Variants in GRM4 observed in about 807,000 individuals in gnomAD.
The protein encoded by GRM4 is metabotropic glutamate receptor 4.
A neutral mutation model predicts 81.7 loss-of-function variants in GRM4; 28 were observed. The ratio of observed to expected loss-of-function variants is 0.34; its 90% confidence interval spans 0.25 to 0.47. The LOEUF (loss-of-function observed/expected upper bound fraction) is 0.47. GRM4 is among the 20% of genes least tolerant of loss of function. GRM4 has a pLI of 1.00. For synonymous variants in GRM4, 488 were observed against 528.8 expected (o/e 0.92, Z 1.06); for missense variants, 948 against 1,290.0 (o/e 0.73, Z 4.06).
chr6:34,103,670 C>T (rs1768966249), intron 2 of GRM4: 1 of 1,535,386 alleles, frequency 6.5e-7, no homozygotes, highest in Non-Finnish European at 8.7e-7. Context: ...AGGGCAGAGG[C>T]CCAGCAAGGA....
At chr6:34,138,901 T>C (rs1770570851) in intron 1 of GRM4, among the ~76,000 whole-genome samples, 1 of 152,214 alleles carries the variant, frequency 6.6e-6, no homozygotes, top group Admixed American at 6.5e-5. Flanking sequence ...TAAGCAACTC[T>C]TTAACCCACA....
At chr6:34,120,472 C>T (rs1380033067) in intron 2 of GRM4, among the ~76,000 whole-genome samples, 5 of 152,174 alleles carry the variant, frequency 3.3e-5, no homozygotes, top group African/African-American at 1.2e-4. Context: ...CCCTGGGATA[C>T]TTAGGACCAT....
chr6:34,092,244 T>C lies in GRM4; in HGVS notation c.520-145A>G. On this transcript the variant is annotated intron_variant, in intron 2 of 10. Transcript: ENST00000538487. The surrounding 1 kb of genome is among the most constrained non-coding windows in gnomAD (Gnocchi z 6.8). ...ACCCCTCCCCATGGGCGATGCCTCC[T>C]CCTCCAGAAAGTCTCCCAACCGGCC... The C allele has an allele frequency of 1.6e-6, 1 of 612,082 alleles. No individual in the cohort carries two copies. Among genetic ancestry groups the C allele is most frequent in the East Asian group, 2.8e-5 (1 of 36,060 alleles). The allele number at this position is 612,082 out of a possible 1,614,324, so 37.9% of individuals were successfully genotyped here.
Position 34,144,844 on chromosome 6 carries a change from C to T in GRM4, c.-364+1156G>A, listed in dbSNP as rs568377019. 6.6e-5 allele frequency among the ~76,000 whole-genome samples: 10 copies of T among 152,324 alleles called. No homozygotes were observed. In the South Asian group the frequency reaches 1.9e-3, roughly 28 times the overall value. Reference sequence around the variant, plus strand: ...ACCGGGCCCGCAAAAAAGCCTCTGCCCCATTCCCTCCCTCAGGGGCACCCG... The same window carrying T: ...ACCGGGCCCGCAAAAAAGCCTCTGCTCCATTCCCTCCCTCAGGGGCACCCG... On this transcript the variant is annotated intron_variant, in intron 1 of 10. Coordinates refer to ENST00000538487, the MANE Select transcript of GRM4 (RefSeq NM_000841.4).
At chr6:34,044,363 G>C (rs368038250) in intron 6 of GRM4, among the ~76,000 whole-genome samples, 968 of 84,574 alleles carry the variant, frequency 0.011, 9 homozygotes, top group African/African-American at 0.038. Flanking sequence ...TATATACACA[G>C]ACACACACAT....
At chr6:34,023,295 T>G (rs895935184) in intron 10 of GRM4, among the ~76,000 whole-genome samples, 1 of 152,234 alleles carries the variant, frequency 6.6e-6, no homozygotes, top group South Asian at 2.1e-4. Context: ...TTTTATGACA[T>G]CATATAACCT....
At chr6:34,063,833 C>G (rs1766304109) in intron 3 of GRM4, among the ~76,000 whole-genome samples, 1 of 152,138 alleles carries the variant, frequency 6.6e-6, no homozygotes, top group Admixed American at 6.5e-5. Flanking sequence ...CATTCCTCCC[C>G]CCATCTGGGG....
chr6:34,145,396 G>A (rs552683498), intron 1 of GRM4, among the ~76,000 whole-genome samples: 101 of 152,316 alleles, frequency 6.6e-4, no homozygotes, highest in African/African-American at 2.4e-3. Flanking sequence ...GGCGGAGCCC[G>A]GCGTCCGAGC....
rs1765417985 is a variant in GRM4 at position 34,047,592 on chromosome 6, T to C, written c.1169-6844A>G. Among the ~76,000 whole-genome samples, 1 of 152,180 alleles carries C rather than the reference T, an allele frequency of 6.6e-6. No individual in the cohort carries two copies. The highest frequency in any genetic ancestry group is 1.5e-5 in the Non-Finnish European group (1 of 68,038). On this transcript the variant is annotated intron_variant, in intron 6 of 10. Coordinates refer to ENST00000538487, the MANE Select transcript of GRM4 (RefSeq NM_000841.4). This position sits in a 1 kb window ranked among gnomAD's most constrained non-coding sequence, Gnocchi z 4.5. ...GAATTTTCATCCTCATCAAGTCGCC[T>C]GCCTTCCAGTCTGGGAATTTCTAAC...
In GRM4 at chr6:34,152,014, C is replaced by T. The variant is rs1771056966; in HGVS notation, c.312+3065G>A. On this transcript the variant is annotated intron_variant, in intron 1 of 8. Transcript: ENST00000374177. The surrounding 1 kb of genome is among the most constrained non-coding windows in gnomAD (Gnocchi z 4.1). ...TCACGACTGGGGCCTTAGATTGTGT[C>T]TGATGCCCCTGTCTTCCAAGCAAGC... 6.6e-6 allele frequency among the ~76,000 whole-genome samples: 1 copy of T among 152,114 alleles called. No homozygotes were observed. Among genetic ancestry groups the T allele is most frequent in the South Asian group, 2.1e-4 (1 of 4,822 alleles).
intron 3 of GRM4, among the ~76,000 whole-genome samples, chr6:34,088,749 C>T (rs903832013): frequency 6.6e-6 from 1 of 152,246 alleles, no homozygotes; most frequent in African/African-American, 2.4e-5. Context: ...AAACACCTAG[C>T]CCACGGGTGT....
intron 2 of GRM4, among the ~76,000 whole-genome samples, chr6:34,094,994 A>G (rs926753534): frequency 1.3e-5 from 2 of 152,186 alleles, no homozygotes; most frequent in African/African-American, 4.8e-5. Flanking sequence ...CAGACTCGTT[A>G]GAAGCCTTCA....
intron 6 of GRM4, among the ~76,000 whole-genome samples, chr6:34,041,613 G>A (rs979919421): frequency 8.5e-5 from 13 of 152,292 alleles, no homozygotes; most frequent in African/African-American, 3.1e-4. Context: ...TCACAGAGCT[G>A]CCATGAGGCT....
chr6:34,142,141 A>G (rs1481211174), intron 1 of GRM4, among the ~76,000 whole-genome samples: 2 of 152,222 alleles, frequency 1.3e-5, no homozygotes, highest in Non-Finnish European at 2.9e-5. Context: ...GCTGGTGTCC[A>G]GTGCTCCAGG....
chr6:34,073,519 CAG>C (rs1013365303), intron 3 of GRM4, among the ~76,000 whole-genome samples: 3 of 152,034 alleles, frequency 2.0e-5, no homozygotes, highest in East Asian at 3.9e-4. Flanking sequence ...TAACCACACA[CAG>C]AGTCACAAAT....
chr6:34,062,076 C>A, intron 3 of GRM4, 48 bp from the exon 4 acceptor site: 1 of 1,567,418 alleles, frequency 6.4e-7, no homozygotes, highest in Non-Finnish European at 8.7e-7. Context: ...GAACCTGAGT[C>A]TCCCCACCAC....
chr6:34,127,730 G>A (rs895545173), intron 2 of GRM4, among the ~76,000 whole-genome samples: 4 of 152,136 alleles, frequency 2.6e-5, no homozygotes, highest in Admixed American at 6.5e-5. Flanking sequence ...TCTGAAAGTG[G>A]AGCCTGCAGG....
intron 6 of GRM4, among the ~76,000 whole-genome samples, chr6:34,052,476 G>A (rs1765664693): frequency 6.6e-6 from 1 of 152,220 alleles, no homozygotes; most frequent in South Asian, 2.1e-4. Flanking sequence ...ACGGTCACCA[G>A]GCCCATCCAT....
intron 4 of GRM4, chr6:34,060,016 C>T (rs1440822863): frequency 1.3e-5 from 2 of 152,314 alleles, no homozygotes; most frequent in African/African-American, 4.8e-5. Flanking sequence ...TGTCCAGGCC[C>T]TTCCGTTGGT....
Sources: gnomAD v4.1 joint callset for allele counts (sites outside exome capture counted in the v4.1 genomes callset) on GRCh38, gnomAD v4.1.1 for gene constraint, Gnocchi (gnomAD v3.1) non-coding constraint, MANE v1.5 for transcripts, NCBI Gene and HGNC (gene_info 2026-07-23, HGNC 2026-07-21) for gene names.